Variants in PLCB1 observed in about 807,000 individuals in gnomAD.
PLCB1 encodes 1-phosphatidylinositol 4,5-bisphosphate phosphodiesterase beta-1.
PLCB1 carries 46 observed loss-of-function variants against 161.8 expected under a neutral mutation model. That is an observed-to-expected ratio of 0.28 (90% confidence interval 0.22 to 0.36). The LOEUF is 0.36. PLCB1 is among the 10% of genes least tolerant of loss of function. The pLI is 1.00. For synonymous variants in PLCB1, 517 were observed against 503.7 expected (o/e 1.03, Z -0.35); for missense variants, 1,016 against 1,472.5 (o/e 0.69, Z 5.07).
At chr20:8,445,444 C>T (rs1980778303) in intron 3 of PLCB1, among the ~76,000 whole-genome samples, 1 of 152,000 alleles carries the variant, frequency 6.6e-6, no homozygotes, top group African/African-American at 2.4e-5. Flanking sequence ...GTTTTGGTTA[C>T]TGTAGCCTTG....
At chr20:8,678,490 G>A (rs1010991961) in intron 9 of PLCB1, among the ~76,000 whole-genome samples, 10 of 152,204 alleles carry the variant, frequency 6.6e-5, no homozygotes, top group African/African-American at 1.7e-4. Context: ...ATGAGGAAGC[G>A]TGTTTCTATT....
chr20:8,237,597 T>C (rs1204425583), intron 2 of PLCB1, among the ~76,000 whole-genome samples: 1 of 152,124 alleles, frequency 6.6e-6, no homozygotes, highest in Non-Finnish European at 1.5e-5. Flanking sequence ...CATTTTGTTT[T>C]CTAAAATCAG....
At chr20:8,234,539 A>T (rs958542655) in intron 2 of PLCB1, among the ~76,000 whole-genome samples, 6 of 152,152 alleles carry the variant, frequency 3.9e-5, no homozygotes, top group African/African-American at 1.4e-4. Context: ...ACCACATTAA[A>T]GGTCAACTGT....
At chr20:8,857,048 C>G (rs1462222576) in intron 31 of PLCB1, among the ~76,000 whole-genome samples, 2 of 152,168 alleles carry the variant, frequency 1.3e-5, no homozygotes, top group East Asian at 1.9e-4. Context: ...TTGAGGGTCA[C>G]TTGGATGTAG....
At chr20:8,498,641 T>C (rs960474823) in intron 3 of PLCB1, among the ~76,000 whole-genome samples, 1 of 152,170 alleles carries the variant, frequency 6.6e-6, no homozygotes, top group African/African-American at 2.4e-5. Flanking sequence ...GATGCCATAA[T>C]AGTGACTAAC....
At chr20:8,557,229 A>C (rs1267290589) in intron 3 of PLCB1, among the ~76,000 whole-genome samples, 2 of 151,906 alleles carry the variant, frequency 1.3e-5, no homozygotes, top group Non-Finnish European at 2.9e-5. Context: ...CAGGGACTGA[A>C]ACAGGCATTT....
At chr20:8,434,332 T>A (rs1980203927) in intron 3 of PLCB1, among the ~76,000 whole-genome samples, 1 of 152,112 alleles carries the variant, frequency 6.6e-6, no homozygotes, top group Non-Finnish European at 1.5e-5. Flanking sequence ...ATAAGTCAGA[T>A]TGGTCTCTGT....
chr20:8,491,028 A>G (rs1982925307), intron 3 of PLCB1, among the ~76,000 whole-genome samples: 1 of 151,580 alleles, frequency 6.6e-6, no homozygotes, highest in Non-Finnish European at 1.5e-5. Context: ...TTCTTATAAC[A>G]CCGTCTTTCA....
chr20:8,671,545 C>G (rs1430900280), intron 9 of PLCB1, among the ~76,000 whole-genome samples: 2 of 152,192 alleles, frequency 1.3e-5, no homozygotes, highest in African/African-American at 4.8e-5. Flanking sequence ...AGCTAATCCT[C>G]ACGCCTCTGC....
intron 3 of PLCB1, among the ~76,000 whole-genome samples, chr20:8,434,707 A>G (rs1980222010): frequency 6.6e-6 from 1 of 152,236 alleles, no homozygotes; most frequent in African/African-American, 2.4e-5. Flanking sequence ...GCTTATGGTC[A>G]CACAGCTAAT....
chr20:8,365,751 C>T (rs1176613456), intron 2 of PLCB1, among the ~76,000 whole-genome samples: 2 of 152,124 alleles, frequency 1.3e-5, no homozygotes, highest in Non-Finnish European at 2.9e-5. Flanking sequence ...GACTATACCA[C>T]ACATGTATGT....
chr20:8,375,151 G>A (rs1338896842), intron 3 of PLCB1, among the ~76,000 whole-genome samples: 2 of 152,116 alleles, frequency 1.3e-5, no homozygotes, highest in Non-Finnish European at 2.9e-5. Flanking sequence ...TTATCCAAAT[G>A]TAATAACCAA....
rs139716190 is a variant in PLCB1 at position 8,221,004 on chromosome 20, G to A, written c.177+70633G>A. Among the ~76,000 whole-genome samples, 193 of 152,208 alleles carry A rather than the reference G, an allele frequency of 1.3e-3. 1 individual carries two copies. The highest frequency in any genetic ancestry group is 4.4e-3 in the African/African-American group (181 of 41,554). ...TGGTTTCATCACTGGCAACACTCTG[G>A]GAAGTTGGAAATCTTCCACTTCCCA... is the stretch of plus-strand genomic sequence containing the variant. On this transcript the variant is annotated intron_variant, in intron 2 of 31. Transcript: ENST00000338037.
chr20:8,235,762 C>T (rs1022205172), intron 2 of PLCB1, among the ~76,000 whole-genome samples: 19 of 151,926 alleles, frequency 1.3e-4, no homozygotes, highest in South Asian at 4.1e-4. Flanking sequence ...GAGTTCAACA[C>T]GGAAATTATT....
intron 3 of PLCB1, among the ~76,000 whole-genome samples, chr20:8,522,817 TTAAGA>T (rs756347443): frequency 3.9e-5 from 6 of 152,184 alleles, no homozygotes; most frequent in African/African-American, 1.2e-4. Context: ...AGGAGGATAA[TTAAGA>T]TAAGAATGTG....
At chr20:8,602,803 G>A (rs1463758805) in intron 3 of PLCB1, among the ~76,000 whole-genome samples, 1 of 152,176 alleles carries the variant, frequency 6.6e-6, no homozygotes. Context: ...GAAACTGAAA[G>A]CATAGTTAAA....
chr20:8,700,722 T>C (rs1990683099), intron 11 of PLCB1, among the ~76,000 whole-genome samples: 2 of 152,188 alleles, frequency 1.3e-5, no homozygotes, highest in Non-Finnish European at 2.9e-5. Context: ...CTAATGCACA[T>C]AGCAGGATAG....
At chr20:8,273,798 T>C (rs773767383) in intron 2 of PLCB1, among the ~76,000 whole-genome samples, 3 of 152,176 alleles carry the variant, frequency 2.0e-5, no homozygotes, top group Non-Finnish European at 4.4e-5. Context: ...GAATTGTTTC[T>C]AAAATGTATG....
intron 31 of PLCB1, chr20:8,792,618 C>CCAT (rs1568601619): frequency 2.1e-6 from 1 of 471,276 alleles, no homozygotes; most frequent in African/African-American, 2.0e-5. Flanking sequence ...TGCTTTTCTT[C>CCAT]CATGAGGTTG....
Sources: gnomAD v4.1 joint callset for allele counts (sites outside exome capture counted in the v4.1 genomes callset) on GRCh38, gnomAD v4.1.1 for gene constraint, MANE v1.5 for transcripts, NCBI Gene and HGNC (gene_info 2026-07-23, HGNC 2026-07-21) for gene names.